Variants in SEPTIN9 observed in about 807,000 individuals in gnomAD.
SEPTIN9 encodes the protein septin 9.
In SEPTIN9, 13 loss-of-function variants were observed where a neutral mutation model predicts 56.6. The ratio of observed to expected loss-of-function variants is 0.23; its 90% CI spans 0.15 to 0.37. The LOEUF is 0.37. Among genes scored for constraint, SEPTIN9 ranks in the 10% least tolerant of loss-of-function variants. The pLI, the probability that SEPTIN9 is intolerant of heterozygous loss-of-function variation, is 1.00. For synonymous variants in SEPTIN9, 332 were observed against 334.1 expected (o/e 0.99, Z 0.07); for missense variants, 650 against 823.1 (o/e 0.79, Z 2.57).
rs188859851 is a variant in SEPTIN9, at chr17:77,383,701, G to A, written c.77-18358G>A. On this transcript the variant is annotated intron_variant, in intron 2 of 11. Coordinates refer to ENST00000427177, the MANE Select transcript of SEPTIN9 (RefSeq NM_001113491.2). ...TACTTTGGGTGGCTGGGAGGCGTGGGAGAGGGTGCACGGAGGGGCTGAGCG... is the reference window on the plus strand; with the variant it reads ...TACTTTGGGTGGCTGGGAGGCGTGGAAGAGGGTGCACGGAGGGGCTGAGCG... 2.4e-3 allele frequency among the ~76,000 whole-genome samples: 361 copies of A among 152,336 alleles called. 4 individuals are homozygous for A. The highest frequency in any genetic ancestry group is 0.014 in the Middle Eastern group (4 of 294).
chr17:77,359,477 G>T (rs1042496747), intron 2 of SEPTIN9, among the ~76,000 whole-genome samples: 2 of 152,224 alleles, frequency 1.3e-5, no homozygotes, highest in African/African-American at 4.8e-5. Flanking sequence ...TCATCCTGGA[G>T]CTGGAACAGA....
intron 3 of SEPTIN9, among the ~76,000 whole-genome samples, chr17:77,414,017 AT>A (rs111774579): frequency 0.062 from 4,950 of 80,014 alleles, 298 homozygotes; most frequent in African/African-American, 0.2. Flanking sequence ...GCTTTTTTTC[AT>A]TTTTTTTTAA....
intron 3 of SEPTIN9, among the ~76,000 whole-genome samples, chr17:77,430,389 G>A (rs906135964): frequency 1.3e-5 from 2 of 152,196 alleles, no homozygotes; most frequent in African/African-American, 2.4e-5. Flanking sequence ...GTCATGCAGC[G>A]GGGGGTGGAG....
intron 3 of SEPTIN9, among the ~76,000 whole-genome samples, chr17:77,426,587 C>T (rs528664059): frequency 5.9e-5 from 9 of 152,284 alleles, no homozygotes; most frequent in African/African-American, 2.2e-4. Context: ...GGCTCATCCT[C>T]ACGGAAGAAT....
rs1463437223 is a variant in SEPTIN9, at chr17:77,451,978, G to A, written c.722-30166G>A. 1.3e-5 allele frequency among the ~76,000 whole-genome samples: 2 copies of A among 152,180 alleles called. No homozygotes were observed. Among genetic ancestry groups the A allele is most frequent in the East Asian group, 3.9e-4 (2 of 5,188 alleles). On this transcript the variant is annotated intron_variant, in intron 3 of 11. Transcript: ENST00000427177. The surrounding 1 kb of genome is among the most constrained non-coding windows in gnomAD (Gnocchi z 4.2). Reference sequence around the variant, plus strand: ...CCCTCTGGGCTCCCGAAGACCGGCTGGCTGGAGGCTGGAGATAGTCTCAAT... The same window carrying A: ...CCCTCTGGGCTCCCGAAGACCGGCTAGCTGGAGGCTGGAGATAGTCTCAAT...
At chr17:77,478,758 C>T (rs182557336) in intron 3 of SEPTIN9, among the ~76,000 whole-genome samples, 189 of 150,014 alleles carry the variant, frequency 1.3e-3, no homozygotes, top group Non-Finnish European at 2.4e-3. Flanking sequence ...GAGCCGAGAT[C>T]GCGCCATTGC....
intron 8 of SEPTIN9, 56 bp downstream of exon 8, chr17:77,490,915 G>T: frequency 7.4e-7 from 1 of 1,354,536 alleles, no homozygotes; most frequent in South Asian, 1.2e-5. Flanking sequence ...AGACGCTGCA[G>T]GCCTGGCAGG....
intron 2 of SEPTIN9, among the ~76,000 whole-genome samples, chr17:77,368,024 T>C (rs1339117831): frequency 6.6e-6 from 1 of 152,220 alleles, no homozygotes; most frequent in Non-Finnish European, 1.5e-5. Context: ...ATGTGAACCT[T>C]GAATAATGAA....
rs1365398522 is a variant in SEPTIN9, at chr17:77,433,575, C to T, written c.721+30872C>T. 2.0e-5 allele frequency among the ~76,000 whole-genome samples: 3 copies of T among 152,058 alleles called. No individual in the cohort carries two copies. Among genetic ancestry groups the T allele is most frequent in the African/African-American group, 7.2e-5 (3 of 41,392 alleles). ...AGCATGGCCATGCCGGAAATAGCAGCATCGTCCCCCTCACTGTCCTGGCTT... is the reference window on the plus strand; with the variant it reads ...AGCATGGCCATGCCGGAAATAGCAGTATCGTCCCCCTCACTGTCCTGGCTT... On this transcript the variant is annotated intron_variant, in intron 3 of 11. Coordinates refer to ENST00000427177, the MANE Select transcript of SEPTIN9 (RefSeq NM_001113491.2). This position sits in a 1 kb window ranked among gnomAD's most constrained non-coding sequence, Gnocchi z 6.4.
At chr17:77,353,889 C>T (rs907596549) in intron 2 of SEPTIN9, among the ~76,000 whole-genome samples, 1 of 152,162 alleles carries the variant, frequency 6.6e-6, no homozygotes, top group South Asian at 2.1e-4. Context: ...ACGCACATTG[C>T]ATGTGTGTGC....
At position 77,394,762 on chromosome 17, in the gene SEPTIN9, G is replaced by A. The variant is rs1449216694; in HGVS notation, c.77-7297G>A. ...GGAGCTGGGAGCGGTTTGCCAGGCA[G>A]CCTGTGGTCAGAGCAGGGGCCTTAA... On this transcript the variant is annotated intron_variant, in intron 2 of 11. Transcript: ENST00000427177. Among the ~76,000 whole-genome samples, 5 of 152,320 alleles carry A rather than the reference G, an allele frequency of 3.3e-5. No individual in the cohort carries two copies. In the East Asian group the frequency reaches 9.6e-4, roughly 29 times the overall value.
intron 2 of SEPTIN9, among the ~76,000 whole-genome samples, chr17:77,324,036 TC>T (rs1372780606): frequency 1.3e-5 from 2 of 152,238 alleles, no homozygotes; most frequent in African/African-American, 4.8e-5. Context: ...AGCCTGCTTC[TC>T]GCCTCTGGCA....
rs111431510 is a variant in SEPTIN9 at position 77,397,353 on chromosome 17, C to T, written c.77-4706C>T. Among the ~76,000 whole-genome samples the T allele has an allele frequency of 3.8e-3, 583 of 152,284 alleles. 4 individuals are homozygous for T. The highest frequency in any genetic ancestry group is 0.021 in the South Asian group (100 of 4,824). ...CCGTGTCTCTTTGTGTCCCAAGTCCCCTTCTGCCTTTCTCCTATAAGGACA... is the reference window on the plus strand; with the variant it reads ...CCGTGTCTCTTTGTGTCCCAAGTCCTCTTCTGCCTTTCTCCTATAAGGACA... On this transcript the variant is annotated intron_variant, in intron 2 of 11. Coordinates refer to ENST00000427177, the MANE Select transcript of SEPTIN9 (RefSeq NM_001113491.2).
chr17:77,312,748 C>T (rs1219134156), intron 2 of SEPTIN9, among the ~76,000 whole-genome samples: 1 of 152,048 alleles, frequency 6.6e-6, no homozygotes, highest in Non-Finnish European at 1.5e-5. Flanking sequence ...CCGTTTGCCT[C>T]CCGGGTAAGA....
chr17:77,304,121 G>A (rs943191364), intron 1 of SEPTIN9, among the ~76,000 whole-genome samples: 2 of 152,210 alleles, frequency 1.3e-5, no homozygotes, highest in Non-Finnish European at 2.9e-5. Flanking sequence ...TCAGACACAG[G>A]CCTGAATAAT....
At chr17:77,442,652 CA>C (rs1221269889) in intron 3 of SEPTIN9, among the ~76,000 whole-genome samples, 2 of 151,484 alleles carry the variant, frequency 1.3e-5, no homozygotes, top group Non-Finnish European at 2.9e-5. Flanking sequence ...GCAGGTGGAT[CA>C]CCTGAGGTCG....
rs1368314970 is a variant in SEPTIN9, at chr17:77,436,967, G to A, written c.721+34264G>A. ...GAAGATGCAGGACACAGATTCACGC[G>A]ATTGTGCAGATCACCTGGCCTCACT... On this transcript the variant is annotated intron_variant, in intron 3 of 11. Coordinates refer to ENST00000427177, the MANE Select transcript of SEPTIN9 (RefSeq NM_001113491.2). The surrounding 1 kb of genome is among the most constrained non-coding windows in gnomAD (Gnocchi z 4.4). Among the ~76,000 whole-genome samples, 2 of 152,226 alleles carry A rather than the reference G, an allele frequency of 1.3e-5. No individual in the cohort carries two copies. The highest frequency in any genetic ancestry group is 1.5e-5 in the Non-Finnish European group (1 of 68,034).
At chr17:77,339,583 C>T (rs2033661436) in intron 2 of SEPTIN9, among the ~76,000 whole-genome samples, 1 of 151,628 alleles carries the variant, frequency 6.6e-6, no homozygotes, top group African/African-American at 2.4e-5. Flanking sequence ...GATCTCGGCT[C>T]ATTGTAACCT....
Position 77,402,631 on chromosome 17 carries a change from T to C in SEPTIN9, c.649T>C (p.Ser217Pro). The C allele has an allele frequency of 4.3e-6, 7 of 1,613,172 alleles. No individual in the cohort carries two copies. The highest frequency in any genetic ancestry group is 5.9e-6 in the Non-Finnish European group (7 of 1,179,722). Reference protein sequence around the residue: ...TLENSEPAPVSQLQSRLEPKP... With the variant: ...TLENSEPAPVPQLQSRLEPKP... ...GGAGAATTCAGAGCCTGCCCCTGTG[T>C]CTCAGCTGCAGAGCAGGCTGGAGCC... Residue 217 changes from serine (S) to proline (P), a missense_variant, in exon 3 of 12, where the codon TCT becomes CCT. Ser to Pro is a moderately conservative substitution (Grantham distance 74). Transcript: ENST00000427177. The surrounding 1 kb of genome is among the most constrained non-coding windows in gnomAD (Gnocchi z 6.6).
Sources: gnomAD v4.1 joint callset for allele counts (sites outside exome capture counted in the v4.1 genomes callset) on GRCh38, gnomAD v4.1.1 for gene constraint, Gnocchi (gnomAD v3.1) non-coding constraint, MANE v1.5 for transcripts, NCBI Gene and HGNC (gene_info 2026-07-23, HGNC 2026-07-21) for gene names.